PARM1: variants seen among roughly 807,000 people sequenced by gnomAD.
PARM1 encodes the protein prostate androgen-regulated mucin-like protein 1.
PARM1 carries 14 observed loss-of-function variants against 24.6 expected under a neutral mutation model. The ratio of observed to expected loss-of-function variants is 0.57; its 90% CI spans 0.38 to 0.89. The LOEUF (loss-of-function observed/expected upper bound fraction) is 0.89, where lower values mean the gene tolerates loss of function less well. PARM1 is among the 40% of genes least tolerant of loss of function. The pLI, the probability that PARM1 is intolerant of heterozygous loss-of-function variation, is 0.00. For missense variants in PARM1, 362 were observed against 380.4 expected (o/e 0.95, Z 0.40); for synonymous variants, 179 against 156.6 (o/e 1.14, Z -1.07).
At chr4:75,019,494 A>G (rs1723048931) in intron 2 of PARM1, among the ~76,000 whole-genome samples, 1 of 152,214 alleles carries the variant, frequency 6.6e-6, no homozygotes, top group African/African-American at 2.4e-5. Context: ...AAGACCATTG[A>G]ACATTAAATT....
At chr4:75,030,568 C>A (rs1429562345) in intron 2 of PARM1, among the ~76,000 whole-genome samples, 1 of 152,178 alleles carries the variant, frequency 6.6e-6, no homozygotes, top group Non-Finnish European at 1.5e-5. Flanking sequence ...CTTCACCAGC[C>A]CTCTGGATAG....
At chr4:75,007,912 G>A (rs956048367) in intron 1 of PARM1, among the ~76,000 whole-genome samples, 6 of 152,200 alleles carry the variant, frequency 3.9e-5, no homozygotes, top group Non-Finnish European at 7.3e-5. Context: ...CAGGGGGTGG[G>A]CCCTCACCAG....
chr4:75,005,035 A>T (rs780094554), intron 1 of PARM1, among the ~76,000 whole-genome samples: 1 of 152,226 alleles, frequency 6.6e-6, no homozygotes, highest in Non-Finnish European at 1.5e-5. Flanking sequence ...CACAGAGGTT[A>T]TATTTCAATT....
intron 1 of PARM1, chr4:74,993,876 A>G (rs1490820577): frequency 6.6e-6 from 1 of 152,182 alleles, no homozygotes; most frequent in African/African-American, 2.4e-5. Flanking sequence ...AATCTCATCC[A>G]TTTTGTACAC....
intron 2 of PARM1, among the ~76,000 whole-genome samples, chr4:75,029,032 G>A (rs564055426): frequency 6.6e-6 from 1 of 152,294 alleles, no homozygotes; most frequent in East Asian, 1.9e-4. Context: ...GAGGCAGGAG[G>A]CTTGGACATG....
intron 2 of PARM1, among the ~76,000 whole-genome samples, chr4:75,020,009 C>CAAAAAAAAAAAA (rs1161399344): frequency 3.2e-5 from 1 of 31,102 alleles, no homozygotes; most frequent in African/African-American, 5.4e-5. Flanking sequence ...GACTCCGTCT[C>CAAAAAAAAAAAA]AAAAAAAAAA....
At chr4:74,945,830 C>A (rs1240976920) in intron 1 of PARM1, among the ~76,000 whole-genome samples, 1 of 152,138 alleles carries the variant, frequency 6.6e-6, no homozygotes, top group Non-Finnish European at 1.5e-5. Context: ...CTTATATAAT[C>A]TTTTCAACAA....
intron 3 of PARM1, among the ~76,000 whole-genome samples, chr4:75,040,241 C>T (rs6829853): frequency 0.14 from 21,473 of 152,148 alleles, 2,238 homozygotes; most frequent in African/African-American, 0.29. Flanking sequence ...TTACTAGCTA[C>T]GTCGTGACAC....
intron 2 of PARM1, among the ~76,000 whole-genome samples, chr4:75,030,312 TA>T (rs1723251516): frequency 6.6e-6 from 1 of 152,210 alleles, no homozygotes; most frequent in Non-Finnish European, 1.5e-5. Flanking sequence ...CTCTGAGCCT[TA>T]ACTTCCTCAT....
At chr4:74,965,853 G>A (rs965968726) in intron 1 of PARM1, among the ~76,000 whole-genome samples, 2 of 152,158 alleles carry the variant, frequency 1.3e-5, no homozygotes, top group Non-Finnish European at 2.9e-5. Flanking sequence ...TACCAGAGTA[G>A]ACTCAGAAAA....
chr4:74,943,664 A>T (rs529901665), intron 1 of PARM1, among the ~76,000 whole-genome samples: 1 of 152,182 alleles, frequency 6.6e-6, no homozygotes, highest in South Asian at 2.1e-4. Context: ...AACTTTATAA[A>T]CTCCCTGGAC....
At chr4:75,016,424 T>G (rs1411092127) in intron 2 of PARM1, among the ~76,000 whole-genome samples, 6 of 152,176 alleles carry the variant, frequency 3.9e-5, no homozygotes, top group African/African-American at 1.4e-4. Context: ...CAACTTTTAT[T>G]TTAGATCAGT....
intron 1 of PARM1, among the ~76,000 whole-genome samples, chr4:75,003,331 A>G (rs2109788339): frequency 6.6e-6 from 1 of 152,238 alleles, no homozygotes; most frequent in Non-Finnish European, 1.5e-5. Flanking sequence ...GAAAAAAAAA[A>G]AAAAGAAAAA....
chr4:74,959,901 A>G (rs1451174672), intron 1 of PARM1, among the ~76,000 whole-genome samples: 1 of 152,222 alleles, frequency 6.6e-6, no homozygotes, highest in East Asian at 1.9e-4. Flanking sequence ...CTAAACAACA[A>G]TTGCAGTTGC....
chr4:74,989,476 G>A (rs572953051), intron 1 of PARM1, among the ~76,000 whole-genome samples: 2 of 152,188 alleles, frequency 1.3e-5, no homozygotes, highest in Non-Finnish European at 2.9e-5. Context: ...ATAGGGCAAG[G>A]TATGTAGGAA....
intron 1 of PARM1, among the ~76,000 whole-genome samples, chr4:74,989,529 G>A (rs1198010704): frequency 6.6e-6 from 1 of 152,162 alleles, no homozygotes; most frequent in Non-Finnish European, 1.5e-5. Flanking sequence ...CCACCCTCCA[G>A]GGACCTCCCT....
chr4:74,987,973 C>T (rs933252320), intron 1 of PARM1, among the ~76,000 whole-genome samples: 1 of 152,122 alleles, frequency 6.6e-6, no homozygotes, highest in Non-Finnish European at 1.5e-5. Flanking sequence ...TCATGTGAGG[C>T]CCTGGGCTAG....
At chr4:75,043,080 C>T (rs1456441208) in intron 3 of PARM1, among the ~76,000 whole-genome samples, 1 of 152,096 alleles carries the variant, frequency 6.6e-6, no homozygotes, top group Non-Finnish European at 1.5e-5. Flanking sequence ...ATAACCATAG[C>T]CAGTAAACCT....
chr4:74,996,189 C>G (rs535592245), intron 1 of PARM1, among the ~76,000 whole-genome samples: 24 of 152,096 alleles, frequency 1.6e-4, no homozygotes, highest in African/African-American at 5.8e-4. Flanking sequence ...TGTCCTTGTA[C>G]AGGCCCCTGT....
Sources: gnomAD v4.1 joint callset for allele counts (sites outside exome capture counted in the v4.1 genomes callset) on GRCh38, gnomAD v4.1.1 for gene constraint, MANE v1.5 for transcripts, NCBI Gene and HGNC (gene_info 2026-07-23, HGNC 2026-07-21) for gene names.